PDE8B: variants seen among roughly 807,000 people sequenced by gnomAD.
PDE8B encodes the protein high affinity cAMP-specific and IBMX-insensitive 3',5'-cyclic phosphodiesterase 8B.
In PDE8B, 26 loss-of-function variants were observed where a neutral mutation model predicts 101.3. The ratio of observed to expected loss-of-function variants is 0.26; its 90% CI spans 0.19 to 0.36. The LOEUF (loss-of-function observed/expected upper bound fraction) is 0.36. Ranked by LOEUF, PDE8B falls within the 10% of genes least tolerant of loss-of-function variation. The probability of loss-of-function intolerance (pLI) is 1.00; values close to 1 mark genes in which losing one functional copy is unlikely to be tolerated. For missense variants in PDE8B, 810 were observed against 1,163.1 expected (o/e 0.70, Z 4.42); for synonymous variants, 424 against 429.3 (o/e 0.99, Z 0.15).
the PDE8B span, chr5:77,113,755 A>G: frequency 6.6e-6 from 1 of 152,248 alleles, no homozygotes; most frequent in African/African-American, 2.4e-5. Context: ...AATTTTTGCA[A>G]TCTACCCATC....
rs975890309 is a variant in PDE8B, at chr5:77,328,919, C to T, written c.591-79C>T. The stretch of plus-strand genomic sequence containing the variant: ...GAAAGATTTGATGTTGTATCATTTT[C>T]AGTGTGAAGAAGTTCCACATTCATT... On this transcript the variant is annotated intron_variant, in intron 3 of 21. Transcript: ENST00000264917. 39 of 1,034,556 alleles carry T rather than the reference C, an allele frequency of 3.8e-5. No individual in the cohort carries two copies. In the Admixed American group the frequency reaches 6.3e-4, roughly 17 times the overall value. The allele number at this position is 1,034,556 out of a possible 1,614,324, so 64.1% of individuals were successfully genotyped here.
At chr5:77,400,764 A>G (rs931201770) in intron 11 of PDE8B, among the ~76,000 whole-genome samples, 1 of 152,080 alleles carries the variant, frequency 6.6e-6, no homozygotes, top group Non-Finnish European at 1.5e-5. Flanking sequence ...CGCTCATTTC[A>G]TATGTTGGGC....
intron 10 of PDE8B, among the ~76,000 whole-genome samples, chr5:77,391,110 A>G (rs768237510): frequency 1.3e-5 from 2 of 152,216 alleles, no homozygotes; most frequent in Non-Finnish European, 2.9e-5. Context: ...TCAACTAAGT[A>G]TTAAGGAAAT....
rs1038568395 is a variant in PDE8B, at chr5:77,291,143, C to T, written c.340-20851C>T. 9 of 1,610,554 alleles carry T rather than the reference C, an allele frequency of 5.6e-6. No homozygotes were observed. The African/African-American group carries it at 9.4e-5, about 17-fold the overall frequency. On this transcript the variant is annotated intron_variant, in intron 1 of 21. Transcript: ENST00000264917. Reference sequence around the variant, plus strand: ...GCTTAGTTGTTCCATCAGCTCTCTTCACTGCTGTGGGAATAGCTGGCCAGA... The same window carrying T: ...GCTTAGTTGTTCCATCAGCTCTCTTTACTGCTGTGGGAATAGCTGGCCAGA...
Position 77,272,711 on chromosome 5 carries a change from A to T in PDE8B, c.340-39283A>T, listed in dbSNP as rs550830637. On this transcript the variant is annotated intron_variant, in intron 1 of 21. Transcript: ENST00000264917. ...CACTAGCTTCTATTATTAGCCCAGA[A>T]GTAGGAATAAAAACAGTTAAGAGTA... Among the ~76,000 whole-genome samples the T allele has an allele frequency of 1.7e-4, 26 of 152,290 alleles. No homozygotes were observed. In the South Asian group the frequency reaches 3.1e-3, roughly 18 times the overall value.
chr5:77,135,267 C>A, the PDE8B span, among the ~76,000 whole-genome samples: 1 of 152,204 alleles, frequency 6.6e-6, no homozygotes, highest in Non-Finnish European at 1.5e-5. Context: ...TTCTGCTCTG[C>A]ATTCCTTTAT....
chr5:77,291,026 G>A lies in PDE8B; in HGVS notation c.340-20968G>A, dbSNP rs1262327619. On this transcript the variant is annotated intron_variant, in intron 1 of 21. Coordinates refer to ENST00000264917, the MANE Select transcript of PDE8B (RefSeq NM_003719.5). ...CCGGGAGCACTCAGGTGGGAAAACA[G>A]ATGGCCCTGATGGTGCAGGAGAGGT... is the stretch of plus-strand genomic sequence containing the variant. 7 of 1,611,906 alleles carry A rather than the reference G, an allele frequency of 4.3e-6. No individual in the cohort carries two copies. In the East Asian group the frequency reaches 1.3e-4, roughly 31 times the overall value.
intron 2 of PDE8B, among the ~76,000 whole-genome samples, chr5:77,319,922 T>A (rs1441377719): frequency 6.6e-6 from 1 of 152,166 alleles, no homozygotes; most frequent in African/African-American, 2.4e-5. Context: ...TCTTGATAAA[T>A]TTTTTTAAAT....
At chr5:77,325,311 G>C (rs1775838668) in intron 2 of PDE8B, among the ~76,000 whole-genome samples, 1 of 152,160 alleles carries the variant, frequency 6.6e-6, no homozygotes. Context: ...GAGACCACAG[G>C]CATGTGCTAC....
chr5:77,103,230 T>C, the PDE8B span, among the ~76,000 whole-genome samples: 1 of 152,206 alleles, frequency 6.6e-6, no homozygotes, highest in African/African-American at 2.4e-5. Flanking sequence ...ATTGATCAGG[T>C]TGTGGAAATG....
intron 1 of PDE8B, among the ~76,000 whole-genome samples, chr5:77,245,784 A>T (rs1192946699): frequency 2.0e-5 from 3 of 150,038 alleles, no homozygotes; most frequent in Admixed American, 2.0e-4. Context: ...TTCTGATCAG[A>T]ATCTGTGTTC....
chr5:77,102,289 G>A, the PDE8B span, among the ~76,000 whole-genome samples: 2 of 152,104 alleles, frequency 1.3e-5, no homozygotes, highest in Non-Finnish European at 2.9e-5. Flanking sequence ...TGTAGTTCCT[G>A]TCTGCACAAG....
chr5:77,388,111 T>C (rs574590391), intron 10 of PDE8B, among the ~76,000 whole-genome samples: 1 of 152,272 alleles, frequency 6.6e-6, no homozygotes, highest in South Asian at 2.1e-4. Flanking sequence ...TCCAGTTTTG[T>C]TCCCTTGCTG....
At chr5:77,175,657 C>T in the PDE8B span, among the ~76,000 whole-genome samples, 16 of 152,202 alleles carry the variant, frequency 1.1e-4, no homozygotes, top group African/African-American at 3.9e-4. Flanking sequence ...ATGTAAGCAT[C>T]ATGACAAGTA....
At chr5:77,330,143 C>T (rs1221378674) in intron 4 of PDE8B, among the ~76,000 whole-genome samples, 1 of 152,178 alleles carries the variant, frequency 6.6e-6, no homozygotes, top group African/African-American at 2.4e-5. Context: ...AGATCAGCAT[C>T]CTTCAGCCCT....
intron 1 of PDE8B, among the ~76,000 whole-genome samples, chr5:77,259,066 A>ACCCCCCCCCC (rs1234322626): frequency 3.1e-5 from 2 of 64,752 alleles, no homozygotes; most frequent in African/African-American, 1.2e-4. Flanking sequence ...ACACACACAC[A>ACCCCCCCCCC]CACCCCCGCC....
chr5:77,290,351 T>C (rs1767011398), intron 1 of PDE8B: 3 of 1,444,194 alleles, frequency 2.1e-6, no homozygotes, highest in Non-Finnish European at 2.9e-6. Flanking sequence ...GCGTGTATAA[T>C]GGAAGCTGGG....
chr5:77,216,277 G>A (rs1002610896), intron 1 of PDE8B, among the ~76,000 whole-genome samples: 1 of 152,164 alleles, frequency 6.6e-6, no homozygotes, highest in African/African-American at 2.4e-5. Flanking sequence ...TCTGTTTCAC[G>A]CTGCTGATAA....
chr5:77,317,962 C>T (rs1050082720), intron 2 of PDE8B, among the ~76,000 whole-genome samples: 2 of 144,348 alleles, frequency 1.4e-5, no homozygotes, highest in Non-Finnish European at 3.0e-5. Flanking sequence ...GAGGCTGAGG[C>T]AGAGAATTGC....
Sources: gnomAD v4.1 joint callset for allele counts (sites outside exome capture counted in the v4.1 genomes callset) on GRCh38, gnomAD v4.1.1 for gene constraint, MANE v1.5 for transcripts, NCBI Gene and HGNC (gene_info 2026-07-23, HGNC 2026-07-21) for gene names.